The following HACE1 variants were observed in gnomAD, a reference collection of about 807,000 sequenced individuals.
HACE1 encodes E3 ubiquitin-protein ligase HACE1.
HACE1 carries 73 observed loss-of-function variants against 118.4 expected under a neutral mutation model. The ratio of observed to expected loss-of-function variants is 0.62; its 90% CI spans 0.51 to 0.75. The LOEUF is 0.75. Among genes scored for constraint, HACE1 ranks in the 30% least tolerant of loss-of-function variants. The pLI, the probability that HACE1 is intolerant of heterozygous loss-of-function variation, is 0.00. For missense variants in HACE1, 749 were observed against 1,102.2 expected, an observed-to-expected ratio of 0.68 and a Z score of 4.54; for synonymous variants, 368 against 374.8, an observed-to-expected ratio of 0.98 and a Z score of 0.21.
chr6:104,752,253 A>G (rs2114577802), intron 19 of HACE1, among the ~76,000 whole-genome samples: 1 of 152,304 alleles, frequency 6.6e-6, no homozygotes, highest in East Asian at 1.9e-4. Context: ...GGTACTTATT[A>G]TAGAGAGGGA....
chr6:104,797,003 G>C lies in HACE1; in HGVS notation c.640C>G (p.Gln214Glu), dbSNP rs773012435. The C allele has an allele frequency of 8.2e-6, 13 of 1,590,636 alleles. No individual in the cohort carries two copies. Among genetic ancestry groups the C allele is most frequent in the Non-Finnish European group, 1.1e-5 (13 of 1,158,816 alleles). Residue 214 changes from glutamine to glutamate, a missense_variant, in exon 8 of 24, where the codon CAG becomes GAG. Transcript: ENST00000262903. ...TTGGCTCCTCGTAATAGTAGGATCT[G>C]TGCTGTATCTCTCTGACCATGACTG... ...ACSHGQRDTA[Q>E]ILLLRGAKYL...
intron 19 of HACE1, among the ~76,000 whole-genome samples, chr6:104,759,407 G>A (rs1169165324): frequency 6.6e-6 from 1 of 152,144 alleles, no homozygotes; most frequent in Non-Finnish European, 1.5e-5. Context: ...ACTCAAAACT[G>A]CTCAACTAAA....
chr6:104,859,631 C>G lies in HACE1; in HGVS notation c.12G>C (p.Ala4=). The G allele has an allele frequency of 3.9e-6, 6 of 1,533,570 alleles. No individual in the cohort carries two copies. Among genetic ancestry groups the G allele is most frequent in the Non-Finnish European group, 5.2e-6 (6 of 1,143,362 alleles). 95.0% of individuals were successfully genotyped at this position (1,533,570 alleles called of 1,614,324 possible). A position where few individuals can be genotyped will look rare whatever the true frequency, so the allele number is the denominator to read the frequency against. ...GCGTCAGGCGGTTGAGTTGCTCCAT[C>G]GCTCTCTCCATCCTCGGCGCGCCCT... MER[A]MEQLNRLTRS... The change falls in exon 1 of 24, where the codon GCG becomes GCC. Residue 4 remains alanine, a synonymous_variant. Coordinates refer to ENST00000262903, the MANE Select transcript of HACE1 (RefSeq NM_020771.4).
At chr6:104,756,422 AAAAAAT>A (rs1453896491) in intron 19 of HACE1, among the ~76,000 whole-genome samples, 19 of 129,676 alleles carry the variant, frequency 1.5e-4, no homozygotes, top group Admixed American at 3.3e-4. Flanking sequence ...AAAAAAAAAA[AAAAAAT>A]ATATATATAT....
intron 11 of HACE1, among the ~76,000 whole-genome samples, chr6:104,789,532 CAG>C (rs1782788209): frequency 1.3e-5 from 2 of 151,878 alleles, no homozygotes; most frequent in South Asian, 2.1e-4. Context: ...AAAGGAAAAA[CAG>C]ATATCCTTTT....
At chr6:104,740,457 C>A (rs577232604) in intron 22 of HACE1, among the ~76,000 whole-genome samples, 180 of 152,136 alleles carry the variant, frequency 1.2e-3, no homozygotes, top group Non-Finnish European at 1.9e-3. Context: ...AATAGATGCA[C>A]TAAAAAATGA....
chr6:104,756,422 A>T (rs1296374195), intron 19 of HACE1, among the ~76,000 whole-genome samples: 5 of 129,612 alleles, frequency 3.9e-5, no homozygotes, highest in African/African-American at 1.4e-4. Context: ...AAAAAAAAAA[A>T]AAAAATATAT....
chr6:104,849,825 T>C (rs1776020494), intron 3 of HACE1, among the ~76,000 whole-genome samples: 1 of 151,576 alleles, frequency 6.6e-6, no homozygotes, highest in African/African-American at 2.4e-5. Flanking sequence ...CTTTTTTTTG[T>C]ATTTTTAGCA....
At position 104,776,765 on chromosome 6, in the gene HACE1, C is replaced by A; in HGVS notation, c.1840G>T (p.Ala614Ser). 1.2e-6 allele frequency: 2 copies of A among 1,604,700 alleles called. No individual in the cohort carries two copies. Among genetic ancestry groups the A allele is most frequent in the South Asian group, 1.1e-5 (1 of 90,896 alleles). Residue 614 changes from alanine (A) to serine (S), a missense_variant, in exon 17 of 24, where the codon GCA (alanine) becomes TCA (serine). Transcript: ENST00000262903. ...LSNEIVNPDY[A>S]LFTQSADGTT... ...CCATCAGCTGACTGGGTAAACAATG[C>A]ATAATCAGGATTGACTATCTCATTG...
intron 7 of HACE1, 60 bp downstream of exon 7, chr6:104,811,247 CATAT>C (rs3995559): frequency 0.066 from 13,700 of 207,488 alleles, 388 homozygotes; most frequent in East Asian, 0.16. Context: ...TTTATTTATA[CATAT>C]ATATATATAT....
At chr6:104,792,127 C>T (rs1783088194) in intron 10 of HACE1, among the ~76,000 whole-genome samples, 1 of 152,108 alleles carries the variant, frequency 6.6e-6, no homozygotes, top group Non-Finnish European at 1.5e-5. Flanking sequence ...ATCCCATATC[C>T]CCTTCCCACC....
Position 104,850,951 on chromosome 6 carries a change from A to C in HACE1, c.177T>G (p.Tyr59Ter). Residue 59 changes from tyrosine to a stop codon, truncating the protein, a stop_gained, in exon 3 of 24, where the codon TAT becomes TAG. Transcript: ENST00000262903. LOFTEE classifies it high-confidence loss of function. ...AGCTTCTTTTCACACGTCCGAATGC[A>C]TAATTGACATCAAATTTTGAATTTG... ...LLSNSKFDVNYAFGRVKRSLL... is the reference protein window; with the variant it reads ...LLSNSKFDVN The C allele has an allele frequency of 6.2e-7, 1 of 1,610,544 alleles. No homozygotes were observed. The highest frequency in any genetic ancestry group is 8.5e-7 in the Non-Finnish European group (1 of 1,176,692).
intron 22 of HACE1, among the ~76,000 whole-genome samples, chr6:104,736,296 A>ATTG (rs1026974091): frequency 1.3e-5 from 2 of 151,410 alleles, no homozygotes; most frequent in African/African-American, 4.8e-5. Context: ...TATTATTATT[A>ATTG]TTTTTTGAGA....
chr6:104,772,271 T>C (rs1780709513), intron 17 of HACE1, among the ~76,000 whole-genome samples, 197 bp from the exon 18 acceptor site: 1 of 152,190 alleles, frequency 6.6e-6, no homozygotes, highest in South Asian at 2.1e-4. Context: ...GATAATCATT[T>C]ATTCATACAT....
chr6:104,859,426 G>A, intron 1 of HACE1, 141 bp downstream of exon 1: 4 of 680,126 alleles, frequency 5.9e-6, no homozygotes, highest in African/African-American at 1.9e-5. Flanking sequence ...GCCCGGGGCC[G>A]CCTCTCAGCT....
intron 17 of HACE1, 55 bp from the exon 18 acceptor site, chr6:104,772,129 G>A: frequency 1.0e-5 from 10 of 976,452 alleles, no homozygotes; most frequent in Non-Finnish European, 1.6e-5. Flanking sequence ...GCAGAAGAAA[G>A]ATTACTTCGA....
At chr6:104,770,938 T>C (rs773346273) in intron 19 of HACE1, among the ~76,000 whole-genome samples, 2 of 152,222 alleles carry the variant, frequency 1.3e-5, no homozygotes, top group Non-Finnish European at 2.9e-5. Flanking sequence ...AAAATGCATA[T>C]GCCCAATTTA....
intron 1 of HACE1, 35 bp downstream of exon 1, chr6:104,859,532 C>T (rs1224585232): frequency 1.4e-6 from 2 of 1,472,482 alleles, no homozygotes; most frequent in South Asian, 2.5e-5. Context: ...CCGCCCCCAG[C>T]CCCGCGGCCA....
At position 104,857,956 on chromosome 6, in the gene HACE1, CAA is replaced by C. The variant is rs34623570; in HGVS notation, c.76+1609_76+1610del. Among the ~76,000 whole-genome samples the C allele has an allele frequency of 1.4e-3, 139 of 101,708 alleles. 1 individual carries two copies. The highest frequency in any genetic ancestry group is 5.0e-3 in the Middle Eastern group (1 of 202). 66.7% of individuals were successfully genotyped at this position (101,708 alleles called of 152,430 possible). A position where few individuals can be genotyped will look rare whatever the true frequency, so the allele number is the denominator to read the frequency against. On this transcript the variant is annotated intron_variant, in intron 1 of 23. Coordinates refer to ENST00000262903, the MANE Select transcript of HACE1 (RefSeq NM_020771.4). Reference sequence around the variant, plus strand: ...TGGGCGACAGAGTGAGACTCCGTCTCAAAAAAAAAAAAAAAAAAGGATGTTTT... The same window carrying C: ...TGGGCGACAGAGTGAGACTCCGTCTCAAAAAAAAAAAAAAAAGGATGTTTT...
Sources: gnomAD v4.1 joint callset for allele counts (sites outside exome capture counted in the v4.1 genomes callset) on GRCh38, gnomAD v4.1.1 for gene constraint, MANE v1.5 for transcripts, NCBI Gene and HGNC (gene_info 2026-07-23, HGNC 2026-07-21) for gene names.